PRKCA: variants seen among roughly 807,000 people sequenced by gnomAD.
The protein encoded by PRKCA is protein kinase C alpha, also known as protein kinase C alpha type.
In PRKCA, 27 loss-of-function variants were observed where a neutral mutation model predicts 87.0. The observed-to-expected ratio is 0.31, with a 90% CI of 0.23 to 0.43. The LOEUF (loss-of-function observed/expected upper bound fraction) is 0.43. Among genes scored for constraint, PRKCA ranks in the 20% least tolerant of loss-of-function variants. PRKCA has a pLI of 1.00. For missense variants in PRKCA, 518 were observed against 852.3 expected, an observed-to-expected ratio of 0.61 and a Z score of 4.88; for synonymous variants, 329 against 311.1, an observed-to-expected ratio of 1.06 and a Z score of -0.61.
intron 5 of PRKCA, among the ~76,000 whole-genome samples, chr17:66,656,891 T>G (rs905956601): frequency 2.0e-5 from 3 of 152,174 alleles, no homozygotes; most frequent in African/African-American, 7.2e-5. Flanking sequence ...CCTATGGTCC[T>G]TTTCAACACC....
intron 3 of PRKCA, among the ~76,000 whole-genome samples, chr17:66,632,384 G>T (rs1971042428): frequency 6.6e-6 from 1 of 151,656 alleles, no homozygotes; most frequent in Non-Finnish European, 1.5e-5. Context: ...TTGTTTGTTT[G>T]TTTTTTGTTT....
chr17:66,450,283 T>C (rs890508589), intron 2 of PRKCA, among the ~76,000 whole-genome samples: 5 of 152,140 alleles, frequency 3.3e-5, no homozygotes, highest in Admixed American at 3.3e-4. Context: ...TCTGCAAGAA[T>C]TGGAACAGCT....
At position 66,792,279 on chromosome 17, in the gene PRKCA, C is replaced by T. The variant is rs373308137; in HGVS notation, c.1854+3300C>T. Among the ~76,000 whole-genome samples, 8 of 152,180 alleles carry T rather than the reference C, an allele frequency of 5.3e-5. No individual in the cohort carries two copies. Among genetic ancestry groups the T allele is most frequent in the Non-Finnish European group, 1.5e-5 (1 of 68,034 alleles). On this transcript the variant is annotated intron_variant, in intron 16 of 16. Coordinates refer to ENST00000413366, the MANE Select transcript of PRKCA (RefSeq NM_002737.3). This position sits in a 1 kb window ranked among gnomAD's most constrained non-coding sequence, Gnocchi z 4.5. The stretch of plus-strand genomic sequence containing the variant: ...TTTGCTTACTACCAAATACCAGTAG[C>T]GGGACTTCAGGTTCTCACAGTTATT...
intron 3 of PRKCA, among the ~76,000 whole-genome samples, chr17:66,525,030 G>T (rs1003444103): frequency 6.6e-6 from 1 of 152,186 alleles, no homozygotes; most frequent in Middle Eastern, 3.2e-3. Flanking sequence ...TGTGAGTCAA[G>T]TGGCTTTGTG....
At chr17:66,680,683 T>G (rs755745885) in intron 5 of PRKCA, among the ~76,000 whole-genome samples, 1 of 152,152 alleles carries the variant, frequency 6.6e-6, no homozygotes, top group Admixed American at 6.5e-5. Context: ...TCAACAAAGC[T>G]TTTGGTGTAT....
At chr17:66,653,646 A>G (rs1971649750) in intron 5 of PRKCA, among the ~76,000 whole-genome samples, 2 of 152,190 alleles carry the variant, frequency 1.3e-5, no homozygotes, top group Admixed American at 1.3e-4. Flanking sequence ...TATTGTATAA[A>G]TAAACATCAA....
chr17:66,802,992 CA>C (rs1231459041), intron 16 of PRKCA, among the ~76,000 whole-genome samples: 1 of 152,190 alleles, frequency 6.6e-6, no homozygotes, highest in Non-Finnish European at 1.5e-5. Flanking sequence ...TTCAACACGC[CA>C]CTACCCTTGT....
At chr17:66,543,144 G>C (rs1008938335) in intron 3 of PRKCA, among the ~76,000 whole-genome samples, 4 of 152,302 alleles carry the variant, frequency 2.6e-5, no homozygotes, top group African/African-American at 9.6e-5. Flanking sequence ...AATTTTGCCT[G>C]ATAAATAATC....
intron 3 of PRKCA, among the ~76,000 whole-genome samples, chr17:66,535,801 C>T (rs1221273279): frequency 6.6e-6 from 1 of 152,166 alleles, no homozygotes; most frequent in South Asian, 2.1e-4. Flanking sequence ...TAGTCCATTC[C>T]CCTCCTTCTA....
At chr17:66,777,484 A>G in intron 14 of PRKCA, 1 of 969,610 alleles carries the variant, frequency 1.0e-6, no homozygotes, top group Non-Finnish European at 1.2e-6. Context: ...GTGTAAACAC[A>G]GAAAGGCAGT....
At chr17:66,719,812 C>CT (rs1371474816) in intron 8 of PRKCA, among the ~76,000 whole-genome samples, 2 of 152,204 alleles carry the variant, frequency 1.3e-5, no homozygotes, top group African/African-American at 4.8e-5. Flanking sequence ...ATTTTGTTCT[C>CT]TTTTTTCTGA....
chr17:66,778,082 G>A (rs564735766), intron 14 of PRKCA: 10 of 985,354 alleles, frequency 1.0e-5, no homozygotes, highest in South Asian at 9.4e-5. Context: ...CTAAGCTCAC[G>A]CCCCCTGGAG....
chr17:66,310,303 A>G (rs1416013004), intron 2 of PRKCA, among the ~76,000 whole-genome samples: 1 of 151,874 alleles, frequency 6.6e-6, no homozygotes, highest in Non-Finnish European at 1.5e-5. Flanking sequence ...TACTCAAGAG[A>G]CAGCGTGAGA....
intron 5 of PRKCA, among the ~76,000 whole-genome samples, chr17:66,660,667 A>G (rs926408514): frequency 4.6e-5 from 7 of 152,152 alleles, no homozygotes; most frequent in Non-Finnish European, 8.8e-5. Context: ...AGGCGGGCGG[A>G]TCACGAGGTC....
At chr17:66,395,294 A>C (rs948059681) in intron 2 of PRKCA, among the ~76,000 whole-genome samples, 1 of 152,226 alleles carries the variant, frequency 6.6e-6, no homozygotes, top group Non-Finnish European at 1.5e-5. Flanking sequence ...GTGCAATTTT[A>C]AATATTCTAG....
chr17:66,315,503 G>A (rs148475962), intron 2 of PRKCA, among the ~76,000 whole-genome samples: 37 of 149,008 alleles, frequency 2.5e-4, no homozygotes, highest in African/African-American at 7.2e-4. Flanking sequence ...TTTCTGAGAC[G>A]GAGTCTTGCT....
intron 5 of PRKCA, among the ~76,000 whole-genome samples, chr17:66,686,108 A>T (rs558290459): frequency 6.6e-5 from 10 of 152,212 alleles, no homozygotes; most frequent in African/African-American, 2.4e-4. Flanking sequence ...GGCATTTGAG[A>T]TAGGAGACTC....
intron 2 of PRKCA, among the ~76,000 whole-genome samples, chr17:66,481,609 G>A (rs554432021): frequency 1.3e-5 from 2 of 152,240 alleles, no homozygotes; most frequent in East Asian, 3.9e-4. Flanking sequence ...AGCACTATGA[G>A]CAAGGAATTC....
intron 4 of PRKCA, among the ~76,000 whole-genome samples, chr17:66,642,968 A>C (rs1354642055): frequency 6.6e-6 from 1 of 152,094 alleles, no homozygotes; most frequent in Non-Finnish European, 1.5e-5. Context: ...TGAACCCAGG[A>C]GGCGGCGGTT....
Sources: gnomAD v4.1 joint callset for allele counts (sites outside exome capture counted in the v4.1 genomes callset) on GRCh38, gnomAD v4.1.1 for gene constraint, Gnocchi (gnomAD v3.1) non-coding constraint, MANE v1.5 for transcripts, NCBI Gene and HGNC (gene_info 2026-07-23, HGNC 2026-07-21) for gene names.